The following NLGN1 variants were observed in gnomAD, a reference collection of about 807,000 sequenced individuals.
NLGN1 encodes neuroligin 1.
NLGN1 carries 12 observed loss-of-function variants against 65.5 expected under a neutral mutation model. The observed-to-expected ratio is 0.18, with a 90% CI of 0.12 to 0.30. The LOEUF is 0.30. NLGN1 is among the 10% of genes least tolerant of loss of function. The probability of loss-of-function intolerance (pLI) is 1.00; values close to 1 mark genes in which losing one functional copy is unlikely to be tolerated. For missense variants in NLGN1, 750 were observed against 1,007.1 expected, an observed-to-expected ratio of 0.74 and a Z score of 3.46; for synonymous variants, 350 against 359.5, an observed-to-expected ratio of 0.97 and a Z score of 0.30.
chr3:173,999,495 G>A (rs1015476497), intron 4 of NLGN1, among the ~76,000 whole-genome samples: 7 of 151,960 alleles, frequency 4.6e-5, no homozygotes, highest in East Asian at 1.9e-4. Flanking sequence ...AATTTCAACC[G>A]TACATCTTGT....
At chr3:173,750,064 G>T (rs988002936) in intron 3 of NLGN1, among the ~76,000 whole-genome samples, 18 of 152,050 alleles carry the variant, frequency 1.2e-4, no homozygotes, top group Admixed American at 1.3e-4. Context: ...GAAATTTGCA[G>T]ACCTAAACGG....
chr3:174,218,408 C>A (rs1186836857), intron 4 of NLGN1, among the ~76,000 whole-genome samples: 2 of 151,854 alleles, frequency 1.3e-5, no homozygotes, highest in Non-Finnish European at 2.9e-5. Flanking sequence ...TAAAATGATA[C>A]CTTACTTCAT....
chr3:173,624,805 T>C (rs1052442902), intron 3 of NLGN1, among the ~76,000 whole-genome samples: 5 of 151,802 alleles, frequency 3.3e-5, no homozygotes, highest in African/African-American at 7.2e-5. Context: ...TTATAGCTCA[T>C]AGGTTTTAAA....
chr3:173,705,337 A>C (rs1362081911), intron 3 of NLGN1, among the ~76,000 whole-genome samples: 1 of 152,144 alleles, frequency 6.6e-6, no homozygotes, highest in East Asian at 1.9e-4. Context: ...TTTTCATAGG[A>C]ACCAATGGTA....
chr3:173,853,463 C>T (rs1175671517), intron 4 of NLGN1, among the ~76,000 whole-genome samples: 1 of 151,990 alleles, frequency 6.6e-6, no homozygotes, highest in Non-Finnish European at 1.5e-5. Flanking sequence ...AGATGAAGAA[C>T]TTATGAATTT....
chr3:173,702,443 A>G (rs145849151), intron 3 of NLGN1, among the ~76,000 whole-genome samples: 1 of 152,308 alleles, frequency 6.6e-6, no homozygotes, highest in African/African-American at 2.4e-5. Flanking sequence ...ACAAACATAA[A>G]CAAATGTAAT....
intron 4 of NLGN1, among the ~76,000 whole-genome samples, chr3:174,106,188 G>A (rs1001703721): frequency 1.3e-5 from 2 of 152,070 alleles, no homozygotes; most frequent in South Asian, 2.1e-4. Flanking sequence ...TCTAGAGCTC[G>A]CATAAAGTTT....
At chr3:173,778,303 T>C (rs2150305906) in intron 3 of NLGN1, among the ~76,000 whole-genome samples, 1 of 152,010 alleles carries the variant, frequency 6.6e-6, no homozygotes, top group Non-Finnish European at 1.5e-5. Context: ...CCAAATGAAG[T>C]ACCTCAGTAT....
intron 4 of NLGN1, among the ~76,000 whole-genome samples, chr3:173,859,586 A>G (rs1277601805): frequency 6.6e-6 from 1 of 152,122 alleles, no homozygotes; most frequent in African/African-American, 2.4e-5. Flanking sequence ...TCATTTTGAT[A>G]AGGTTCTTTG....
At chr3:173,824,089 A>G (rs1720866927) in intron 4 of NLGN1, among the ~76,000 whole-genome samples, 1 of 152,068 alleles carries the variant, frequency 6.6e-6, no homozygotes. Context: ...ATTCACAAAG[A>G]CACAAAAGTA....
intron 3 of NLGN1, among the ~76,000 whole-genome samples, chr3:173,673,718 A>C (rs569598242): frequency 2.6e-5 from 4 of 152,196 alleles, no homozygotes; most frequent in Admixed American, 2.0e-4. Flanking sequence ...CCACAAAGCC[A>C]TGTACTTTTT....
chr3:173,847,640 G>A (rs952839250), intron 4 of NLGN1, among the ~76,000 whole-genome samples: 1 of 152,014 alleles, frequency 6.6e-6, no homozygotes, highest in African/African-American at 2.4e-5. Flanking sequence ...GGAAGGCTGA[G>A]GCAGGCAGAT....
At chr3:173,721,949 A>AT (rs1283659715) in intron 3 of NLGN1, among the ~76,000 whole-genome samples, 1 of 151,604 alleles carries the variant, frequency 6.6e-6, no homozygotes, top group Non-Finnish European at 1.5e-5. Context: ...TCGTAAAAAA[A>AT]AAAAGGGACC....
Position 174,016,583 on chromosome 3 carries a change from G to A in NLGN1, c.646+208751G>A, listed in dbSNP as rs79154208. Among the ~76,000 whole-genome samples, 136 of 152,308 alleles carry A rather than the reference G, an allele frequency of 8.9e-4. 1 individual carries two copies. The East Asian group carries it at 0.024, about 26-fold the overall frequency. Reference sequence around the variant, plus strand: ...AGTAGCATCAGGAGACAGGGGTGATGCCAGAAGAAATGACAGCACTCTCTG... The same window carrying A: ...AGTAGCATCAGGAGACAGGGGTGATACCAGAAGAAATGACAGCACTCTCTG... On this transcript the variant is annotated intron_variant, in intron 4 of 6. Coordinates refer to ENST00000457714, the Ensembl canonical transcript of NLGN1.
chr3:173,435,131 G>A (rs1717876444), intron 2 of NLGN1: 2 of 152,620 alleles, frequency 1.3e-5, no homozygotes, highest in African/African-American at 4.8e-5. Flanking sequence ...TAGAAAAGTA[G>A]TAACAAAAGC....
intron 4 of NLGN1, among the ~76,000 whole-genome samples, chr3:174,257,021 G>T (rs1370657159): frequency 6.6e-6 from 1 of 152,112 alleles, no homozygotes; most frequent in African/African-American, 2.4e-5. Context: ...TCTGACAAAG[G>T]TCTAATATCC....
chr3:173,568,808 G>A (rs943326083), intron 2 of NLGN1, among the ~76,000 whole-genome samples: 6 of 152,110 alleles, frequency 3.9e-5, no homozygotes, highest in East Asian at 1.9e-4. Flanking sequence ...GGAGTAGCTC[G>A]GACTACAGAC....
intron 2 of NLGN1, among the ~76,000 whole-genome samples, chr3:173,565,011 C>T (rs1028386037): frequency 5.9e-5 from 9 of 151,988 alleles, no homozygotes; most frequent in East Asian, 3.9e-4. Context: ...TTCTGTTGAG[C>T]GGAGGGAATG....
At chr3:174,217,561 T>G (rs755442221) in intron 4 of NLGN1, among the ~76,000 whole-genome samples, 1 of 152,018 alleles carries the variant, frequency 6.6e-6, no homozygotes, top group Non-Finnish European at 1.5e-5. Flanking sequence ...CCATGAGACC[T>G]CTCTGTGGGA....
Sources: gnomAD v4.1 joint callset for allele counts (sites outside exome capture counted in the v4.1 genomes callset) on GRCh38, gnomAD v4.1.1 for gene constraint, MANE v1.5 for transcripts, NCBI Gene and HGNC (gene_info 2026-07-23, HGNC 2026-07-21) for gene names.